The following NEXMIF variants were observed in gnomAD, a reference collection of about 807,000 sequenced individuals.
NEXMIF encodes the protein neurite extension and migration factor, also known as XLMR protein related to neurite extension.
Under a neutral mutation model 62.1 loss-of-function variants are expected in NEXMIF, and 8 were observed. The ratio of observed to expected loss-of-function variants is 0.13; its 90% confidence interval spans 0.08 to 0.23. The LOEUF is 0.23. NEXMIF is among the 10% of genes least tolerant of loss of function. NEXMIF has a pLI of 1.00. For missense variants in NEXMIF, 976 were observed against 1,113.3 expected (o/e 0.88, Z 1.75); for synonymous variants, 404 against 416.6 (o/e 0.97, Z 0.37).
intron 1 of NEXMIF, among the ~76,000 whole-genome samples, chrX:74,859,729 T>C (rs1474261503): frequency 1.8e-5 from 2 of 110,922 alleles, no homozygotes; most frequent in Non-Finnish European, 1.9e-5. Context: ...AAGATATAAA[T>C]AGAAACAACA....
At chrX:74,895,847 A>C (rs1427019044) in intron 1 of NEXMIF, among the ~76,000 whole-genome samples, 3 of 110,109 alleles carry the variant, frequency 2.7e-5, no homozygotes, top group Non-Finnish European at 5.7e-5. Context: ...AAAAAAAAAA[A>C]AACATAGAAT....
At chrX:74,872,864 G>GA (rs2080608351) in intron 1 of NEXMIF, among the ~76,000 whole-genome samples, 1 of 109,517 alleles carries the variant, frequency 9.1e-6, no homozygotes, top group Non-Finnish European at 1.9e-5. Flanking sequence ...TAATGGAGTA[G>GA]AAAAATACCT....
At chrX:74,774,029 T>C (rs1448546788) in intron 1 of NEXMIF, among the ~76,000 whole-genome samples, 1 of 110,152 alleles carries the variant, frequency 9.1e-6, no homozygotes, top group African/African-American at 3.3e-5. Flanking sequence ...TTCTGTTGGC[T>C]CAAACTTATC....
intron 1 of NEXMIF, among the ~76,000 whole-genome samples, chrX:74,865,822 G>A (rs924168498): frequency 8.9e-6 from 1 of 111,979 alleles, no homozygotes; most frequent in African/African-American, 3.2e-5. Context: ...GAGCTTGTGG[G>A]TACACAGAAG....
chrX:74,759,217 C>T (rs1461502242), intron 1 of NEXMIF, among the ~76,000 whole-genome samples: 1 of 111,827 alleles, frequency 8.9e-6, no homozygotes, highest in Non-Finnish European at 1.9e-5. Context: ...TGTCCTTTGC[C>T]CACTTTTTAA....
At chrX:74,863,417 A>C (rs187830413) in intron 1 of NEXMIF, among the ~76,000 whole-genome samples, 1 of 111,430 alleles carries the variant, frequency 9.0e-6, no homozygotes, top group East Asian at 2.8e-4. Context: ...TCAAATAAAC[A>C]CAACAAAAAT....
intron 1 of NEXMIF, among the ~76,000 whole-genome samples, chrX:74,903,289 A>G (rs189619876): frequency 5.6e-4 from 59 of 105,683 alleles, no homozygotes; most frequent in Non-Finnish European, 9.3e-4. Context: ...AACCTTGAAC[A>G]TTCCCAGTCC....
At chrX:74,841,504 C>T (rs1481908909) in intron 1 of NEXMIF, among the ~76,000 whole-genome samples, 1 of 111,544 alleles carries the variant, frequency 9.0e-6, no homozygotes, top group Non-Finnish European at 1.9e-5. Context: ...TCTAGGACTT[C>T]CCCTTACTAT....
chrX:74,878,671 G>T (rs1157555886), intron 1 of NEXMIF, among the ~76,000 whole-genome samples: 1 of 112,796 alleles, frequency 8.9e-6, no homozygotes, highest in East Asian at 2.8e-4. Context: ...TGCGAGCCAG[G>T]TGCAGGATAG....
chrX:74,891,129 G>GT (rs2080716400), intron 1 of NEXMIF, among the ~76,000 whole-genome samples: 1 of 111,078 alleles, frequency 9.0e-6, no homozygotes, highest in South Asian at 3.8e-4. Context: ...TTCATTGAAA[G>GT]TTTTTTTCCT....
intron 1 of NEXMIF, among the ~76,000 whole-genome samples, chrX:74,819,975 G>A (rs951552926): frequency 1.3e-4 from 15 of 111,641 alleles, no homozygotes; most frequent in African/African-American, 4.2e-4. Flanking sequence ...AAGAAAATGC[G>A]GCACATATAC....
chrX:74,913,193 ATAAG>A (rs1214065171), intron 1 of NEXMIF, among the ~76,000 whole-genome samples: 1 of 112,365 alleles, frequency 8.9e-6, no homozygotes, highest in Non-Finnish European at 1.9e-5. Context: ...AAATGTTTCA[ATAAG>A]TAATTAGAAA....
chrX:74,875,993 C>T (rs1399062878), intron 1 of NEXMIF, among the ~76,000 whole-genome samples: 5 of 110,983 alleles, frequency 4.5e-5, no homozygotes, highest in African/African-American at 1.6e-4. Context: ...TCTCTATTTC[C>T]TTCAGTTCTG....
At chrX:74,922,000 AAC>A (rs1309795332) in intron 1 of NEXMIF, among the ~76,000 whole-genome samples, 1 of 112,246 alleles carries the variant, frequency 8.9e-6, no homozygotes, top group Non-Finnish European at 1.9e-5. Flanking sequence ...TGGATTTAGG[AAC>A]AGAGAAACTG....
intron 1 of NEXMIF, among the ~76,000 whole-genome samples, chrX:74,866,035 C>T (rs1018832952): frequency 1.8e-5 from 2 of 111,357 alleles, no homozygotes; most frequent in Non-Finnish European, 3.8e-5. Flanking sequence ...GAGAAGAGGG[C>T]CACTGTACTC....
chrX:74,744,429 G>T lies in NEXMIF; in HGVS notation c.128C>A (p.Ala43Asp). Residue 43 changes from alanine (A) to aspartate (D), a missense_variant, in exon 3 of 4, where the codon GCT becomes GAT. Physicochemically the swap from Ala to Asp is moderately radical, Grantham distance 126 (BLOSUM62 -2). Transcript: ENST00000055682. ...CGGTGTAGGCTGGATAGGTGCAGCA[G>T]CTTCTAGAGCTGCAAATGACTTCAT... ...VAMKSFAALEAAAPIQPTPVA... is the reference protein window; with the variant it reads ...VAMKSFAALEDAAPIQPTPVA... 8.3e-7 allele frequency: 1 copy of T among 1,205,603 alleles called. No individual in the cohort carries two copies. The highest frequency in any genetic ancestry group is 1.1e-6 in the Non-Finnish European group (1 of 892,217).
chrX:74,873,382 G>C (rs772743099), intron 1 of NEXMIF, among the ~76,000 whole-genome samples: 4 of 112,044 alleles, frequency 3.6e-5, no homozygotes, highest in South Asian at 7.4e-4. Context: ...TCTTAATCCA[G>C]TCTATCATTG....
At chrX:74,817,410 C>T (rs919009028) in intron 1 of NEXMIF, among the ~76,000 whole-genome samples, 1 of 111,549 alleles carries the variant, frequency 9.0e-6, no homozygotes, top group African/African-American at 3.3e-5. Context: ...AAACACTTTC[C>T]AAACCATCAT....
At chrX:74,909,552 G>T (rs2080780864) in intron 1 of NEXMIF, among the ~76,000 whole-genome samples, 1 of 111,980 alleles carries the variant, frequency 8.9e-6, no homozygotes, top group African/African-American at 3.2e-5. Context: ...TTTGTAGCCT[G>T]ATGATGCAGT....
Sources: gnomAD v4.1 joint callset for allele counts (sites outside exome capture counted in the v4.1 genomes callset) on GRCh38, gnomAD v4.1.1 for gene constraint, MANE v1.5 for transcripts, NCBI Gene and HGNC (gene_info 2026-07-23, HGNC 2026-07-21) for gene names.